ADGRB3: variants seen among roughly 807,000 people sequenced by gnomAD.
The protein encoded by ADGRB3 is adhesion G protein-coupled receptor B3.
ADGRB3 carries 37 observed loss-of-function variants against 193.4 expected under a neutral mutation model. That is an observed-to-expected ratio of 0.19 (90% CI 0.15 to 0.25). ADGRB3 has a LOEUF of 0.25. ADGRB3 is among the 10% of genes least tolerant of loss of function. The probability of loss-of-function intolerance (pLI) is 1.00; values close to 1 mark genes in which losing one functional copy is unlikely to be tolerated. For synonymous variants in ADGRB3, 690 were observed against 644.2 expected, an observed-to-expected ratio of 1.07 and a Z score of -1.08; for missense variants, 1,637 against 1,852.9, an observed-to-expected ratio of 0.88 and a Z score of 2.14.
At chr6:69,138,571 T>C (rs1774219941) in intron 17 of ADGRB3, among the ~76,000 whole-genome samples, 1 of 152,224 alleles carries the variant, frequency 6.6e-6, no homozygotes. Flanking sequence ...TAAATTATTT[T>C]CTTGGAAAAG....
chr6:68,795,335 A>G (rs772363331), intron 3 of ADGRB3, among the ~76,000 whole-genome samples: 2 of 152,124 alleles, frequency 1.3e-5, no homozygotes, highest in Non-Finnish European at 2.9e-5. Flanking sequence ...AAATTATTCT[A>G]AAGAAAAACT....
intron 3 of ADGRB3, among the ~76,000 whole-genome samples, chr6:68,757,408 G>A (rs1288494018): frequency 6.6e-6 from 1 of 152,166 alleles, no homozygotes; most frequent in Non-Finnish European, 1.5e-5. Flanking sequence ...TGTGAAGTCA[G>A]TGTCTAAATC....
chr6:69,195,849 C>T lies in ADGRB3; in HGVS notation c.2481-37441C>T, dbSNP rs188087769. Among the ~76,000 whole-genome samples, 14 of 152,152 alleles carry T rather than the reference C, an allele frequency of 9.2e-5. No homozygotes were observed. In the East Asian group the frequency reaches 1.2e-3, roughly 13 times the overall value. ...TAAATCAATTCCTTTTTTTATACTA[C>T]GCAAAAGCATAAATATGCTATAGCA... On this transcript the variant is annotated intron_variant, in intron 17 of 31. Coordinates refer to ENST00000370598, the MANE Select transcript of ADGRB3 (RefSeq NM_001704.3).
intron 17 of ADGRB3, among the ~76,000 whole-genome samples, chr6:69,129,239 C>T (rs1273093987): frequency 6.6e-6 from 1 of 152,086 alleles, no homozygotes; most frequent in Non-Finnish European, 1.5e-5. Context: ...AAAACTTCAG[C>T]TACTCACTAG....
intron 6 of ADGRB3, among the ~76,000 whole-genome samples, 179 bp downstream of exon 6, chr6:68,944,173 G>A (rs1347239144): frequency 2.0e-5 from 3 of 152,050 alleles, no homozygotes; most frequent in Non-Finnish European, 4.4e-5. Context: ...TAGTATTGTA[G>A]AATATGTCCT....
chr6:69,242,675 TACTGG>T (rs1213062491), intron 20 of ADGRB3, among the ~76,000 whole-genome samples: 3 of 151,994 alleles, frequency 2.0e-5, no homozygotes, highest in Non-Finnish European at 4.4e-5. Flanking sequence ...TATATTCAAT[TACTGG>T]CAACAAAGTA....
At chr6:69,269,650 A>G (rs1767130131) in intron 20 of ADGRB3, among the ~76,000 whole-genome samples, 1 of 152,152 alleles carries the variant, frequency 6.6e-6, no homozygotes, top group African/African-American at 2.4e-5. Context: ...ATCGTGACTG[A>G]TGTGCCCACA....
intron 11 of ADGRB3, among the ~76,000 whole-genome samples, chr6:69,011,515 C>T (rs1293771511): frequency 1.3e-5 from 2 of 151,750 alleles, no homozygotes; most frequent in African/African-American, 4.8e-5. Context: ...GAGCTACAAA[C>T]CTAACTACTG....
intron 17 of ADGRB3, among the ~76,000 whole-genome samples, chr6:69,160,829 G>T (rs1300112756): frequency 1.3e-5 from 2 of 152,008 alleles, no homozygotes; most frequent in African/African-American, 2.4e-5. Context: ...TTTTATATAG[G>T]CAATTACCTC....
chr6:68,780,661 T>C (rs928207968), intron 3 of ADGRB3, among the ~76,000 whole-genome samples: 9 of 152,144 alleles, frequency 5.9e-5, no homozygotes, highest in Non-Finnish European at 5.9e-5. Context: ...CTTAATAGAT[T>C]ATTTCTGGTG....
intron 20 of ADGRB3, among the ~76,000 whole-genome samples, chr6:69,300,503 A>G (rs1189030396): frequency 6.6e-6 from 1 of 151,824 alleles, no homozygotes; most frequent in Admixed American, 6.6e-5. Flanking sequence ...AGGACTTCCA[A>G]ATTGGAAATT....
At chr6:69,107,392 T>A (rs1025996769) in intron 17 of ADGRB3, among the ~76,000 whole-genome samples, 2 of 152,240 alleles carry the variant, frequency 1.3e-5, no homozygotes, top group Non-Finnish European at 2.9e-5. Flanking sequence ...GAAAATCATT[T>A]ATTTATCAAA....
chr6:68,764,368 A>G (rs777388377), intron 3 of ADGRB3, among the ~76,000 whole-genome samples: 21 of 152,242 alleles, frequency 1.4e-4, no homozygotes, highest in Admixed American at 3.3e-4. Flanking sequence ...TGAAAAGAAT[A>G]AAGAAGTATG....
At chr6:68,772,742 G>T (rs1334461364) in intron 3 of ADGRB3, among the ~76,000 whole-genome samples, 3 of 151,054 alleles carry the variant, frequency 2.0e-5, no homozygotes, top group South Asian at 2.1e-4. Flanking sequence ...AACAGGCCAG[G>T]TGTGGTAGTT....
chr6:69,054,405 C>T (rs965922079), intron 15 of ADGRB3, among the ~76,000 whole-genome samples: 1 of 152,074 alleles, frequency 6.6e-6, no homozygotes, highest in Non-Finnish European at 1.5e-5. Context: ...CACTTTTACA[C>T]AAATGCACGC....
At chr6:69,075,047 A>G (rs1384001377) in intron 16 of ADGRB3, among the ~76,000 whole-genome samples, 2 of 152,240 alleles carry the variant, frequency 1.3e-5, no homozygotes, top group Non-Finnish European at 2.9e-5. Flanking sequence ...TATCTAGCTC[A>G]GGAAGAGTCT....
chr6:69,187,724 G>A (rs1765100290), intron 17 of ADGRB3, among the ~76,000 whole-genome samples: 1 of 152,160 alleles, frequency 6.6e-6, no homozygotes, highest in Non-Finnish European at 1.5e-5. Context: ...TGCATGTAGG[G>A]ACTTTCAAGA....
chr6:69,158,502 T>A (rs1262815255), intron 17 of ADGRB3, among the ~76,000 whole-genome samples: 1 of 151,860 alleles, frequency 6.6e-6, no homozygotes, highest in Non-Finnish European at 1.5e-5. Context: ...ATGAATGTAT[T>A]ACTCTAATTG....
chr6:68,871,676 G>T (rs1429298753), intron 3 of ADGRB3, among the ~76,000 whole-genome samples: 1 of 151,994 alleles, frequency 6.6e-6, no homozygotes, highest in Non-Finnish European at 1.5e-5. Context: ...TCTTCCATTT[G>T]AAGTTTTTAA....
Sources: gnomAD v4.1 joint callset for allele counts (sites outside exome capture counted in the v4.1 genomes callset) on GRCh38, gnomAD v4.1.1 for gene constraint, MANE v1.5 for transcripts, NCBI Gene and HGNC (gene_info 2026-07-23, HGNC 2026-07-21) for gene names.